The following FSIP2 variants were observed in gnomAD, a reference collection of about 807,000 sequenced individuals.
FSIP2 encodes fibrous sheath-interacting protein 2.
A neutral mutation model predicts 510.5 loss-of-function variants in FSIP2; 367 were observed. The ratio of observed to expected loss-of-function variants is 0.72; its 90% CI spans 0.66 to 0.78. The LOEUF is 0.78. Among genes scored for constraint, FSIP2 ranks in the 30% least tolerant of loss-of-function variants. The pLI, the probability that FSIP2 is intolerant of heterozygous loss-of-function variation, is 0.00. For synonymous variants in FSIP2, 2,601 were observed against 2,732.2 expected (o/e 0.95, Z 1.50); for missense variants, 7,594 against 7,901.7 (o/e 0.96, Z 1.48).
In FSIP2 at chr2:185,803,019, T is replaced by A; in HGVS notation, c.13713T>A (p.Ile4571=). 6.5e-7 allele frequency: 1 copy of A among 1,528,814 alleles called. No homozygotes were observed. 94.7% of individuals were successfully genotyped at this position (1,528,814 alleles called of 1,614,324 possible). ...AAAATATCACAAGCAGTAATGACAT[T>A]CTTATAGATAGAATAGCAGGTTTCA... ...AVQNITSSND[I]LIDRIAGFII... is the part of the protein sequence containing the mutation. The change falls in exon 17 of 23, where the codon ATT becomes ATA. Residue 4571 remains isoleucine (I), a synonymous_variant. Coordinates refer to ENST00000424728, the MANE Select transcript of FSIP2 (RefSeq NM_173651.4).
intron 13 of FSIP2, chr2:185,766,465 T>A (rs1478896200): frequency 6.8e-6 from 1 of 147,322 alleles, no homozygotes; most frequent in African/African-American, 2.5e-5. Flanking sequence ...TCAAACAAAT[T>A]TACAAGAAAA....
intron 7 of FSIP2, among the ~76,000 whole-genome samples, chr2:185,750,050 ATTG>A (rs908261780): frequency 2.6e-4 from 39 of 151,860 alleles, no homozygotes; most frequent in African/African-American, 8.4e-4. Flanking sequence ...CATTTTACAT[ATTG>A]TTGTATTAAA....
chr2:185,784,290 A>G (rs1327760450), intron 14 of FSIP2, among the ~76,000 whole-genome samples: 1 of 152,138 alleles, frequency 6.6e-6, no homozygotes, highest in Non-Finnish European at 1.5e-5. Flanking sequence ...CAGGGAAGGT[A>G]TAAGGAGTAA....
At position 185,799,697 on chromosome 2, in the gene FSIP2, T is replaced by C; in HGVS notation, c.10391T>C (p.Val3464Ala). 1 of 1,267,008 alleles carries C rather than the reference T, an allele frequency of 7.9e-7. No homozygotes were observed. The highest frequency in any genetic ancestry group is 1.0e-6 in the Non-Finnish European group (1 of 959,856). The allele number at this position is 1,267,008 out of a possible 1,614,324, so 78.5% of individuals were successfully genotyped here. A position where few individuals can be genotyped will look rare whatever the true frequency, so the allele number is the denominator to read the frequency against. The change falls in exon 17 of 23, where the codon GTT becomes GCT. Residue 3464 changes from valine to alanine, a missense_variant and splice_region_variant. Val to Ala is a moderately conservative substitution (Grantham distance 64, BLOSUM62 0). Transcript: ENST00000424728. ...VTYLKNFETT[V>A]FSEEKMSVST... ...AAATTACAATGTTTCCTTTTTTAAG[T>C]TTTTAGTGAGGAAAAGATGTCTGTT...
Position 185,790,478 on chromosome 2 carries a change from A to T in FSIP2, c.3342A>T (p.Leu1114Phe). The change falls in exon 16 of 23, where the codon TTA becomes TTT. Residue 1114 changes from leucine (L) to phenylalanine (F), a missense_variant. Leu to Phe is a conservative substitution (Grantham distance 22). Coordinates refer to ENST00000424728, the MANE Select transcript of FSIP2 (RefSeq NM_173651.4). ...KASENIVTSI[L>F]KEMLKDISSV... ...CAGAAAACATAGTCACAAGTATTTT[A>T]AAGGAAATGCTCAAGGACATATCTT... 1 of 1,534,158 alleles carries T rather than the reference A, an allele frequency of 6.5e-7. No homozygotes were observed. Among genetic ancestry groups the T allele is most frequent in the Non-Finnish European group, 8.7e-7 (1 of 1,145,582 alleles).
intron 7 of FSIP2, among the ~76,000 whole-genome samples, chr2:185,751,415 T>G (rs1049006797): frequency 2.0e-5 from 3 of 151,090 alleles, no homozygotes; most frequent in Admixed American, 6.6e-5. Context: ...CGGCATATTA[T>G]TTTCTTGTGT....
At position 185,805,977 on chromosome 2, in the gene FSIP2, A is replaced by C; in HGVS notation, c.16671A>C (p.Glu5557Asp). ...SKDTQEPNLS[E>D]TFNNNEIEKK... is the part of the protein sequence containing the mutation. The stretch of plus-strand genomic sequence containing the variant: ...ATACTCAGGAGCCAAATTTGAGTGA[A>C]ACATTTAATAATAATGAAATTGAGA... Residue 5557 changes from glutamate (E) to aspartate (D), a missense_variant, in exon 17 of 23, where the codon GAA becomes GAC. Glu to Asp is a conservative substitution (Grantham distance 45). Transcript: ENST00000424728. 2 of 1,559,508 alleles carry C rather than the reference A, an allele frequency of 1.3e-6. No individual in the cohort carries two copies. Among genetic ancestry groups the C allele is most frequent in the Non-Finnish European group, 1.7e-6 (2 of 1,157,058 alleles).
At chr2:185,764,213 T>A (rs200789935) in intron 12 of FSIP2, among the ~76,000 whole-genome samples, 1 of 151,718 alleles carries the variant, frequency 6.6e-6, no homozygotes, top group African/African-American at 2.4e-5. Context: ...AAATCTTAGA[T>A]GTGTTAGATG....
At chr2:185,752,500 A>G (rs559886419) in intron 7 of FSIP2, among the ~76,000 whole-genome samples, 5 of 151,192 alleles carry the variant, frequency 3.3e-5, no homozygotes, top group Non-Finnish European at 7.4e-5. Context: ...GGATATTATT[A>G]TCTAATATTT....
intron 20 of FSIP2, among the ~76,000 whole-genome samples, chr2:185,827,442 G>T (rs1253774028): frequency 6.6e-6 from 1 of 151,842 alleles, no homozygotes; most frequent in East Asian, 2.0e-4. Context: ...AGAGAAGTTA[G>T]ATGTTCAATG....
Position 185,790,424 on chromosome 2 carries a change from A to C in FSIP2, c.3288A>C (p.Gln1096His). The change falls in exon 16 of 23, where the codon CAA (glutamine) becomes CAC (histidine). Residue 1096 changes from glutamine to histidine, a missense_variant. Coordinates refer to ENST00000424728, the MANE Select transcript of FSIP2 (RefSeq NM_173651.4). ...SSNKDISTFS[Q>H]DQKHQIEKAS... ...ATAAAGACATTTCAACTTTCAGCCA[A>C]GATCAAAAGCATCAAATAGAAAAGG... 1 of 1,531,092 alleles carries C rather than the reference A, an allele frequency of 6.5e-7. No homozygotes were observed. Among genetic ancestry groups the C allele is most frequent in the Non-Finnish European group, 8.7e-7 (1 of 1,144,858 alleles). 94.8% of individuals were successfully genotyped at this position (1,531,092 alleles called of 1,614,324 possible).
In FSIP2 at chr2:185,763,172, T is replaced by C; in HGVS notation, c.1241-11T>C. ...GCTTCTCATATTTAAAGTTATCTCT[T>C]CTTTCTCTAGGAGGTATAAATATTT... On this transcript the variant is annotated splice_polypyrimidine_tract_variant and intron_variant, in intron 11 of 22. Transcript: ENST00000424728. The C allele has an allele frequency of 8.5e-7, 1 of 1,175,982 alleles. No homozygotes were observed. The highest frequency in any genetic ancestry group is 1.2e-6 in the Non-Finnish European group (1 of 819,454). The allele number at this position is 1,175,982 out of a possible 1,614,324, so 72.8% of individuals were successfully genotyped here. A position where few individuals can be genotyped will look rare whatever the true frequency, so the allele number is the denominator to read the frequency against.
At chr2:185,769,577 T>C (rs562828404) in intron 13 of FSIP2, among the ~76,000 whole-genome samples, 1 of 152,286 alleles carries the variant, frequency 6.6e-6, no homozygotes, top group Admixed American at 6.5e-5. Context: ...AGGTTGTCTG[T>C]TTACTGTATT....
Position 185,790,382 on chromosome 2 carries a change from G to A in FSIP2, c.3246G>A (p.Lys1082=). 6.5e-7 allele frequency: 1 copy of A among 1,526,948 alleles called. No homozygotes were observed. Among genetic ancestry groups the A allele is most frequent in the Non-Finnish European group, 8.7e-7 (1 of 1,143,710 alleles). The allele number at this position is 1,526,948 out of a possible 1,614,324, so 94.6% of individuals were successfully genotyped here. A position where few individuals can be genotyped will look rare whatever the true frequency, so the allele number is the denominator to read the frequency against. Residue 1082 remains lysine (K), a synonymous_variant, in exon 16 of 23, where the codon AAG becomes AAA. Transcript: ENST00000424728. ...CTACTAATCATGAAGATATTTTAAA[G>A]AAAAAACTTTCTTCGAATAAAGACA... is the stretch of plus-strand genomic sequence containing the variant. The part of the protein sequence containing the change: ...PPSTNHEDIL[K]KKLSSNKDIS...
Position 185,795,411 on chromosome 2 carries a change from C to A in FSIP2, c.8275C>A (p.Gln2759Lys), listed in dbSNP as rs1381548427. ...TIVKEFGKVK[Q>K]TKALPSDQII... ...TGTGAAGGAATTTGGAAAGGTAAAG[C>A]AAACCAAAGCTTTACCATCTGATCA... The change falls in exon 16 of 23, where the codon CAA becomes AAA. Residue 2759 changes from glutamine (Q) to lysine (K), a missense_variant. Gln to Lys is a moderately conservative substitution (Grantham distance 53). Coordinates refer to ENST00000424728, the MANE Select transcript of FSIP2 (RefSeq NM_173651.4). 6.5e-7 allele frequency: 1 copy of A among 1,534,742 alleles called. No homozygotes were observed. Among genetic ancestry groups the A allele is most frequent in the Non-Finnish European group, 8.7e-7 (1 of 1,146,044 alleles).
chr2:185,769,341 G>A (rs540087181), intron 13 of FSIP2, among the ~76,000 whole-genome samples: 15 of 152,220 alleles, frequency 9.9e-5, no homozygotes, highest in African/African-American at 3.4e-4. Context: ...GTGCAAGATG[G>A]TATCTCATTG....
chr2:185,804,846 A>C lies in FSIP2; in HGVS notation c.15540A>C (p.Glu5180Asp). The C allele has an allele frequency of 1.3e-6, 2 of 1,530,926 alleles. No individual in the cohort carries two copies. Among genetic ancestry groups the C allele is most frequent in the Non-Finnish European group, 1.7e-6 (2 of 1,144,354 alleles). The allele number at this position is 1,530,926 out of a possible 1,614,324, so 94.8% of individuals were successfully genotyped here. A position where few individuals can be genotyped will look rare whatever the true frequency, so the allele number is the denominator to read the frequency against. ...TTTCCATGGCAGAGGATAATGCAGA[A>C]AGTATGCAGTTAGAACCTATTGAAA... ...IRLSMAEDNA[E>D]SMQLEPIENL... Residue 5180 changes from glutamate (E) to aspartate (D), a missense_variant, in exon 17 of 23, where the codon GAA becomes GAC. Glu to Asp is a conservative substitution (Grantham distance 45). Transcript: ENST00000424728.
chr2:185,816,074 ACT>A (rs1473531687), intron 19 of FSIP2, among the ~76,000 whole-genome samples: 1 of 151,970 alleles, frequency 6.6e-6, no homozygotes, highest in Non-Finnish European at 1.5e-5. Context: ...CTGATTCATA[ACT>A]CTATCAAGAA....
rs1173075761 is a variant in FSIP2 at position 185,802,556 on chromosome 2, T to C, written c.13250T>C (p.Leu4417Pro). 6.5e-7 allele frequency: 1 copy of C among 1,528,938 alleles called. No homozygotes were observed. 94.7% of individuals were successfully genotyped at this position (1,528,938 alleles called of 1,614,324 possible). A position where few individuals can be genotyped will look rare whatever the true frequency, so the allele number is the denominator to read the frequency against. Residue 4417 changes from leucine (L) to proline (P), a missense_variant, in exon 17 of 23, where the codon CTT (leucine) becomes CCT (proline). Leu to Pro is a moderately conservative substitution (Grantham distance 98, BLOSUM62 -3). Transcript: ENST00000424728. ...ATTGTAGCAGCTATTTCAGATTACC[T>C]TCTTCATCCACTGTTTTCTGGGGAT... The part of the protein sequence containing the change: ...NLIVAAISDY[L>P]LHPLFSGDFS...
Sources: gnomAD v4.1 joint callset for allele counts (sites outside exome capture counted in the v4.1 genomes callset) on GRCh38, gnomAD v4.1.1 for gene constraint, MANE v1.5 for transcripts, NCBI Gene and HGNC (gene_info 2026-07-23, HGNC 2026-07-21) for gene names.